The following KMT2C variants were observed in gnomAD, a reference collection of about 807,000 sequenced individuals.
KMT2C encodes lysine methyltransferase 2C.
KMT2C carries 88 observed loss-of-function variants against 507.9 expected under a neutral mutation model. That is an observed-to-expected ratio of 0.17 (90% CI 0.15 to 0.21). The LOEUF is 0.21. Ranked by LOEUF, KMT2C falls within the 10% of genes least tolerant of loss-of-function variation. KMT2C has a pLI of 1.00. For synonymous variants in KMT2C, 2,049 were observed against 2,080.8 expected (o/e 0.98, Z 0.42); for missense variants, 4,954 against 5,957.8 (o/e 0.83, Z 5.55).
rs549394397 is a variant in KMT2C at position 152,142,782 on chromosome 7, G to A, written c.14343+1931C>T. ...TGAAATGAAGCTACGTCAGTTGATC[G>A]AGAGGGACCTCTGATTATTACAGAG... is the stretch of plus-strand genomic sequence containing the variant. On this transcript the variant is annotated intron_variant, in intron 55 of 58. Coordinates refer to ENST00000262189, the MANE Select transcript of KMT2C (RefSeq NM_170606.3). 7.9e-5 allele frequency among the ~76,000 whole-genome samples: 12 copies of A among 152,314 alleles called. No homozygotes were observed. In the South Asian group the frequency reaches 2.1e-3, roughly 26 times the overall value.
Position 152,170,570 on chromosome 7 carries a change from T to TCCA in KMT2C, c.9453+693_9453+694insTGG, listed in dbSNP as rs561650624. 4.4e-4 allele frequency among the ~76,000 whole-genome samples: 67 copies of TCCA among 152,320 alleles called. 1 individual carries two copies. Among genetic ancestry groups the TCCA allele is most frequent in the Admixed American group, 1.9e-3 (29 of 15,294 alleles). The stretch of plus-strand genomic sequence containing the variant: ...CAAGCTGGAGTGCAGTGGCGTGATC[T>TCCA]CGGCTCACTGCAACCTCTGCCTCCC... On this transcript the variant is annotated intron_variant, in intron 40 of 58. Transcript: ENST00000262189.
chr7:152,178,444 T>TACAGGCCTC (rs1185493619), intron 37 of KMT2C, among the ~76,000 whole-genome samples: 1 of 152,168 alleles, frequency 6.6e-6, no homozygotes, highest in Non-Finnish European at 1.5e-5. Flanking sequence ...TTGAGGGACT[T>TACAGGCCTC]ACAGGCCTCA....
intron 31 of KMT2C, among the ~76,000 whole-genome samples, chr7:152,190,598 T>G (rs2093763186): frequency 6.6e-6 from 1 of 152,180 alleles, no homozygotes; most frequent in Non-Finnish European, 1.5e-5. Context: ...GGTCTTTTTT[T>G]TTTCCAAGTC....
chr7:152,419,819 T>A (rs2097767625), intron 1 of KMT2C, among the ~76,000 whole-genome samples: 1 of 152,250 alleles, frequency 6.6e-6, no homozygotes. Flanking sequence ...CAACCCCATG[T>A]GATCAGTAAT....
intron 1 of KMT2C, among the ~76,000 whole-genome samples, chr7:152,427,090 A>T (rs1167956298): frequency 2.0e-5 from 3 of 152,058 alleles, no homozygotes; most frequent in Non-Finnish European, 4.4e-5. Context: ...ATTTCAGCTC[A>T]CTGCAAACTC....
rs750685265 is a variant in KMT2C at position 152,144,909 on chromosome 7, A to G, written c.14175-28T>C. The G allele has an allele frequency of 3.8e-6, 6 of 1,586,196 alleles. No individual in the cohort carries two copies. The highest frequency in any genetic ancestry group is 5.2e-6 in the Non-Finnish European group (6 of 1,162,404). ...GCAGACAATGGCATATCAACAGGAA[A>G]AAAATACAAGGAAAACTGAAGATAC... is the stretch of plus-strand genomic sequence containing the variant. On this transcript the variant is annotated intron_variant, in intron 54 of 58. Coordinates refer to ENST00000262189, the MANE Select transcript of KMT2C (RefSeq NM_170606.3). This position sits in a 1 kb window ranked among gnomAD's most constrained non-coding sequence, Gnocchi z 4.4.
chr7:152,433,955 A>ATGCAAATTTAAAACAATACT (rs2097890596), intron 1 of KMT2C, among the ~76,000 whole-genome samples: 2 of 152,268 alleles, frequency 1.3e-5, no homozygotes, highest in African/African-American at 4.8e-5. Context: ...AAGAATTCAA[A>ATGCAAATTTAAAACAATACT]TGCAAATTTA....
chr7:152,428,599 C>T (rs1282641033), intron 1 of KMT2C, among the ~76,000 whole-genome samples: 1 of 151,464 alleles, frequency 6.6e-6, no homozygotes, highest in South Asian at 2.1e-4. Context: ...CCATTGCACT[C>T]TAGCCTGGGC....
chr7:152,237,478 GT>G (rs1217359758), intron 15 of KMT2C, among the ~76,000 whole-genome samples: 1 of 151,942 alleles, frequency 6.6e-6, no homozygotes, highest in African/African-American at 2.4e-5. Flanking sequence ...ATGGCGTCAG[GT>G]TAGTTTTTTG....
chr7:152,312,006 A>C (rs2096676278), intron 4 of KMT2C, 60 bp from the exon 5 acceptor site: 2 of 1,398,648 alleles, frequency 1.4e-6, no homozygotes, highest in African/African-American at 2.8e-5. Flanking sequence ...TTTCATTTTT[A>C]ACTGTTTAAA....
intron 1 of KMT2C, among the ~76,000 whole-genome samples, chr7:152,369,884 A>G (rs2129240331): frequency 7.0e-6 from 1 of 143,166 alleles, no homozygotes; most frequent in South Asian, 2.1e-4. Context: ...AACAGGAATG[A>G]AAGGGGATTT....
At chr7:152,382,370 C>G (rs2097382249) in intron 1 of KMT2C, among the ~76,000 whole-genome samples, 3 of 152,146 alleles carry the variant, frequency 2.0e-5, no homozygotes, top group Admixed American at 2.0e-4. Context: ...ATTTGCCTTT[C>G]TACTTCTCTG....
At chr7:152,401,634 T>C (rs1210595276) in intron 1 of KMT2C, among the ~76,000 whole-genome samples, 6 of 152,270 alleles carry the variant, frequency 3.9e-5, no homozygotes, top group African/African-American at 1.4e-4. Context: ...GAGGTTGCAG[T>C]GAACCAAGAT....
chr7:152,323,103 G>A (rs1251064473), intron 3 of KMT2C, among the ~76,000 whole-genome samples: 2 of 151,862 alleles, frequency 1.3e-5, no homozygotes, highest in Non-Finnish European at 2.9e-5. Context: ...TAGCCATTAT[G>A]GAAAATGGTA....
At chr7:152,314,700 T>C (rs1004181563) in intron 4 of KMT2C, among the ~76,000 whole-genome samples, 6 of 152,046 alleles carry the variant, frequency 3.9e-5, no homozygotes, top group Non-Finnish European at 8.8e-5. Flanking sequence ...AAGACATGAG[T>C]AGTGAAAACC....
intron 7 of KMT2C, among the ~76,000 whole-genome samples, chr7:152,267,604 A>T (rs1328548968): frequency 6.6e-6 from 1 of 152,204 alleles, no homozygotes; most frequent in Non-Finnish European, 1.5e-5. Context: ...CTTTGTACCT[A>T]CCTAATACTC....
At chr7:152,292,727 A>T (rs1315781920) in intron 6 of KMT2C, among the ~76,000 whole-genome samples, 1 of 152,308 alleles carries the variant, frequency 6.6e-6, no homozygotes, top group South Asian at 2.1e-4. Context: ...AAACTTCTAT[A>T]GCATTTAATG....
intron 3 of KMT2C, among the ~76,000 whole-genome samples, chr7:152,329,688 G>A (rs1384680643): frequency 1.4e-5 from 2 of 147,310 alleles, no homozygotes; most frequent in African/African-American, 2.5e-5. Flanking sequence ...GAAAGGGAGG[G>A]AAGGAGGGCG....
intron 2 of KMT2C, among the ~76,000 whole-genome samples, chr7:152,340,901 G>GA (rs528331584): frequency 1.8e-3 from 278 of 151,800 alleles, no homozygotes; most frequent in Admixed American, 2.9e-3. Context: ...GCTAATAAAT[G>GA]AAAAAAAATA....
Sources: gnomAD v4.1 joint callset for allele counts (sites outside exome capture counted in the v4.1 genomes callset) on GRCh38, gnomAD v4.1.1 for gene constraint, Gnocchi (gnomAD v3.1) non-coding constraint, MANE v1.5 for transcripts, NCBI Gene and HGNC (gene_info 2026-07-23, HGNC 2026-07-21) for gene names.